IGF2R: variants seen among roughly 807,000 people sequenced by gnomAD.
The protein encoded by IGF2R is insulin like growth factor 2 receptor.
In IGF2R, 91 loss-of-function variants were observed where a neutral mutation model predicts 270.6. That is an observed-to-expected ratio of 0.34 (90% CI 0.28 to 0.40). The LOEUF (loss-of-function observed/expected upper bound fraction) is 0.40. IGF2R is among the 10% of genes least tolerant of loss of function. IGF2R has a pLI of 1.00. For missense variants in IGF2R, 2,805 were observed against 3,188.3 expected (o/e 0.88, Z 2.90); for synonymous variants, 1,316 against 1,258.9 (o/e 1.05, Z -0.96).
chr6:159,991,132 T>G (rs1783971265), intron 1 of IGF2R, 52 bp from the exon 2 acceptor site: 1 of 1,549,728 alleles, frequency 6.5e-7, no homozygotes, highest in Non-Finnish European at 8.8e-7. Flanking sequence ...AGAGAGAAGT[T>G]TAATTTTTGA....
At chr6:160,086,015 T>C (rs1363097138) in intron 41 of IGF2R, among the ~76,000 whole-genome samples, 1 of 152,202 alleles carries the variant, frequency 6.6e-6, no homozygotes, top group African/African-American at 2.4e-5. Context: ...CTTTTTCCCC[T>C]GTAATCTTGC....
chr6:160,004,758 T>C lies in IGF2R; in HGVS notation c.290-4252T>C, dbSNP rs906599387. The C allele has an allele frequency of 6.6e-6, 1 of 152,484 alleles. No individual in the cohort carries two copies. Among genetic ancestry groups the C allele is most frequent in the East Asian group, 1.9e-4 (1 of 5,188 alleles). The allele number at this position is 152,484 out of a possible 1,614,324, so 9.4% of individuals were successfully genotyped here. A position where few individuals can be genotyped will look rare whatever the true frequency, so the allele number is the denominator to read the frequency against. On this transcript the variant is annotated intron_variant, in intron 2 of 47. Coordinates refer to ENST00000356956, the MANE Select transcript of IGF2R (RefSeq NM_000876.4). This position sits in a 1 kb window ranked among gnomAD's most constrained non-coding sequence, Gnocchi z 5.2. ...AATGTGTCCTGGTAGGCCTGGTGAG[T>C]GTGTGAGCATGGCCTAGAGTGTCAC...
rs762651600 is a variant in IGF2R at position 160,104,805 on chromosome 6, C to T, written c.7197C>T (p.Leu2399=). ...TTACCACCAAGTCAGTGAAAGCCCT[C>T]AGCTCCCTGCATGGGGATGACCAGG... ...GHITTKSVKA[L]SSLHGDDQDS... Residue 2399 remains leucine (L), a synonymous_variant, in exon 48 of 48, where the codon CTC becomes CTT. Transcript: ENST00000356956. The T allele has an allele frequency of 1.2e-6, 2 of 1,614,172 alleles. No individual in the cohort carries two copies. Among genetic ancestry groups the T allele is most frequent in the Admixed American group, 1.7e-5 (1 of 60,030 alleles).
At chr6:159,986,429 TG>T (rs762397990) in intron 1 of IGF2R, among the ~76,000 whole-genome samples, 44 of 95,428 alleles carry the variant, frequency 4.6e-4, no homozygotes, top group African/African-American at 1.4e-3. Flanking sequence ...TGTGTGTGTG[TG>T]TTTTTTTTTT....
rs1440657785 is a variant in IGF2R at position 160,026,801 on chromosome 6, A to G, written c.647-384A>G. Among the ~76,000 whole-genome samples the G allele has an allele frequency of 3.3e-5, 5 of 152,228 alleles. No individual in the cohort carries two copies. In the East Asian group the frequency reaches 5.8e-4, roughly 18 times the overall value. On this transcript the variant is annotated intron_variant, in intron 5 of 47. Coordinates refer to ENST00000356956, the MANE Select transcript of IGF2R (RefSeq NM_000876.4). ...AGTGGTCGATTTAGGATTTGAACCC[A>G]GAGCTGTGGGTTCTTTCCCTAATCT...
At chr6:160,032,514 A>AT (rs1562350248) in intron 7 of IGF2R, 37 bp from the exon 8 acceptor site, 2 of 1,591,908 alleles carry the variant, frequency 1.3e-6, no homozygotes, top group South Asian at 1.1e-5. Flanking sequence ...TGCATGAAAC[A>AT]TTTTTTATTT....
intron 10 of IGF2R, among the ~76,000 whole-genome samples, chr6:160,035,244 C>T (rs1188295282): frequency 2.6e-5 from 4 of 152,184 alleles, no homozygotes; most frequent in Non-Finnish European, 5.9e-5. Flanking sequence ...TGGTTTCCAG[C>T]CTAAGTGCTG....
intron 20 of IGF2R, among the ~76,000 whole-genome samples, chr6:160,057,360 G>A (rs751457196): frequency 1.3e-5 from 2 of 152,194 alleles, no homozygotes; most frequent in Admixed American, 6.5e-5. Flanking sequence ...CTTTATGGTG[G>A]GACCTGTTTG....
At chr6:160,023,502 C>T (rs191630653) in intron 4 of IGF2R, among the ~76,000 whole-genome samples, 2 of 152,256 alleles carry the variant, frequency 1.3e-5, no homozygotes, top group East Asian at 1.9e-4. Flanking sequence ...CTTATGCCAA[C>T]CTGCCAGGAG....
At chr6:160,082,893 C>A (rs1393836853) in intron 39 of IGF2R, among the ~76,000 whole-genome samples, 1 of 152,222 alleles carries the variant, frequency 6.6e-6, no homozygotes, top group Non-Finnish European at 1.5e-5. Context: ...GTCTGACATT[C>A]TCCCGCCTCT....
At chr6:160,048,648 T>C in intron 18 of IGF2R, 105 bp downstream of exon 18, 2 of 1,171,058 alleles carry the variant, frequency 1.7e-6, no homozygotes, top group Non-Finnish European at 2.4e-6. Context: ...GCACAGCTGC[T>C]CGAGAGAAAC....
intron 2 of IGF2R, among the ~76,000 whole-genome samples, chr6:160,007,865 AC>A (rs1456817542): frequency 6.6e-6 from 1 of 152,282 alleles, no homozygotes; most frequent in East Asian, 1.9e-4. Flanking sequence ...GAATAGGTCA[AC>A]CTCATTAATC....
At chr6:160,046,905 C>G (rs1778080722) in intron 15 of IGF2R, among the ~76,000 whole-genome samples, 1 of 152,200 alleles carries the variant, frequency 6.6e-6, no homozygotes, top group African/African-American at 2.4e-5. Context: ...CTAGATATCT[C>G]TGTGCGTATT....
At chr6:160,001,803 C>CTAA (rs1784133462) in intron 2 of IGF2R, among the ~76,000 whole-genome samples, 3 of 152,164 alleles carry the variant, frequency 2.0e-5, no homozygotes, top group Non-Finnish European at 4.4e-5. Context: ...TTTCATAGGG[C>CTAA]CTGTGAACAA....
intron 5 of IGF2R, among the ~76,000 whole-genome samples, chr6:160,025,118 A>G (rs917628923): frequency 3.9e-5 from 6 of 152,164 alleles, no homozygotes; most frequent in African/African-American, 1.4e-4. Flanking sequence ...GCCCAAGCTG[A>G]CTTGTTCCTT....
Position 160,102,700 on chromosome 6 carries a change from G to A in IGF2R, c.6995+29G>A, listed in dbSNP as rs779582789. 32 of 1,561,858 alleles carry A rather than the reference G, an allele frequency of 2.0e-5. No individual in the cohort carries two copies. The highest frequency in any genetic ancestry group is 2.5e-5 in the Non-Finnish European group (29 of 1,148,620). On this transcript the variant is annotated intron_variant, in intron 46 of 47. Coordinates refer to ENST00000356956, the MANE Select transcript of IGF2R (RefSeq NM_000876.4). This position sits in a 1 kb window ranked among gnomAD's most constrained non-coding sequence, Gnocchi z 4.5. ...AGCGGGTGGCAGGGCGAGGTGGGGC[G>A]GGTGGATGCATGCCTCCCATAGCTA...
At position 160,069,848 on chromosome 6, in the gene IGF2R, T is replaced by C. The variant is rs201799852; in HGVS notation, c.4253-20T>C. On this transcript the variant is annotated intron_variant, in intron 30 of 47. Transcript: ENST00000356956. The stretch of plus-strand genomic sequence containing the variant: ...TGGGGAGTCACTAAAGGCAACTCTT[T>C]CTTGTGTCTGGTGCTGCAGAGCCGT... 1.2e-3 allele frequency: 1,949 copies of C among 1,610,880 alleles called. 7 individuals are homozygous for C. Among genetic ancestry groups the C allele is most frequent in the Admixed American group, 1.7e-3 (102 of 59,928 alleles).
At position 160,070,037 on chromosome 6, in the gene IGF2R, C is replaced by G. The variant is rs1778681024; in HGVS notation, c.4422C>G (p.Phe1474Leu). The G allele has an allele frequency of 1.9e-6, 3 of 1,614,088 alleles. No homozygotes were observed. The highest frequency in any genetic ancestry group is 3.3e-5 in the Admixed American group (2 of 60,018). ...GIRKKSTTIR[F>L]TCSESQVNSR... ...GGAAAAAGTCAACCACCATCCGATT[C>G]ACCTGCAGCGAGAGCCAAGTGGTAA... The change falls in exon 31 of 48, where the codon TTC becomes TTG. Residue 1474 changes from phenylalanine (F) to leucine (L), a missense_variant. By Grantham distance (22) the Phe-to-Leu change is conservative. Coordinates refer to ENST00000356956, the MANE Select transcript of IGF2R (RefSeq NM_000876.4).
intron 1 of IGF2R, among the ~76,000 whole-genome samples, chr6:159,986,198 C>A (rs1405834322): frequency 7.3e-5 from 11 of 151,360 alleles, no homozygotes; most frequent in Admixed American, 7.2e-4. Context: ...CAGGAAAATG[C>A]TCACTGGGCT....
Sources: allele counts gnomAD v4.1 joint callset (sites outside exome capture counted in the v4.1 genomes callset), GRCh38; gene constraint gnomAD v4.1.1; non-coding constraint Gnocchi (gnomAD v3.1); transcripts MANE v1.5; gene names NCBI Gene and HGNC (gene_info 2026-07-23, HGNC 2026-07-21).